Variants in HDAC10 observed in about 807,000 individuals in gnomAD.
HDAC10 encodes the protein histone deacetylase 10, also known as polyamine deacetylase HDAC10.
In HDAC10, 90 loss-of-function variants were observed where a neutral mutation model predicts 82.3. That is an observed-to-expected ratio of 1.09 (90% confidence interval 0.92 to 1.30). The LOEUF (loss-of-function observed/expected upper bound fraction) is 1.30. Among genes scored for constraint, HDAC10 ranks in the 50% most tolerant of loss-of-function variants. The pLI is 0.00. For missense variants in HDAC10, 934 were observed against 876.3 expected, an observed-to-expected ratio of 1.07 and a Z score of -0.83; for synonymous variants, 456 against 391.7, an observed-to-expected ratio of 1.16 and a Z score of -1.94.
At chr22:50,250,605 T>C (rs2068587661) in intron 2 of HDAC10, 82 bp from the exon 3 acceptor site, 15 of 1,347,004 alleles carry the variant, frequency 1.1e-5, no homozygotes, top group Non-Finnish European at 1.5e-5. Context: ...GGATTCATGG[T>C]GGGAGTGGCC....
Position 50,248,784 on chromosome 22 carries a change from G to A in HDAC10, c.817-33C>T, listed in dbSNP as rs1476482596. On this transcript the variant is annotated intron_variant, in intron 9 of 19. Transcript: ENST00000216271. This position sits in a 1 kb window ranked among gnomAD's most constrained non-coding sequence, Gnocchi z 5.4. Reference sequence around the variant, plus strand: ...CAGAGCCATGTGTGATGGGGGACCTGGGCCCCAGGACCCCAGAAGCCCTCC... The same window carrying A: ...CAGAGCCATGTGTGATGGGGGACCTAGGCCCCAGGACCCCAGAAGCCCTCC... 1 of 1,598,740 alleles carries A rather than the reference G, an allele frequency of 6.3e-7. No individual in the cohort carries two copies. The highest frequency in any genetic ancestry group is 2.3e-5 in the East Asian group (1 of 44,380).
Position 50,245,357 on chromosome 22 carries a change from T to C in HDAC10, c.*150A>G. On this transcript the variant is annotated 3_prime_UTR_variant, in exon 20 of 20. Transcript: ENST00000216271. ...AGGGGTGGAGCGGGGGAAGCACGGGTGGGAGAGGGCGGGGCGCGGGGATTG... is the reference window on the plus strand; with the variant it reads ...AGGGGTGGAGCGGGGGAAGCACGGGCGGGAGAGGGCGGGGCGCGGGGATTG... 2 of 499,644 alleles carry C rather than the reference T, an allele frequency of 4.0e-6. No homozygotes were observed. Among genetic ancestry groups the C allele is most frequent in the South Asian group, 3.7e-5 (2 of 53,930 alleles). The allele number at this position is 499,644 out of a possible 1,614,324, so 31.0% of individuals were successfully genotyped here. A position where few individuals can be genotyped will look rare whatever the true frequency, so the allele number is the denominator to read the frequency against.
In HDAC10 at chr22:50,251,250, G is replaced by A; in HGVS notation, c.-218C>T. Reference sequence around the variant, plus strand: ...CGGAGCGAGGCTGCAGTCGAAGGGGGAGGCTCCCCGCGCCTGGCTTCCGGC... The same window carrying A: ...CGGAGCGAGGCTGCAGTCGAAGGGGAAGGCTCCCCGCGCCTGGCTTCCGGC... On this transcript the variant is annotated 5_prime_UTR_variant, in exon 1 of 20. Coordinates refer to ENST00000216271, the MANE Select transcript of HDAC10 (RefSeq NM_032019.6). The A allele has an allele frequency of 8.3e-6, 4 of 479,438 alleles. No individual in the cohort carries two copies. Among genetic ancestry groups the A allele is most frequent in the Non-Finnish European group, 1.1e-5 (3 of 271,932 alleles). 29.7% of individuals were successfully genotyped at this position (479,438 alleles called of 1,614,324 possible).
chr22:50,251,110 G>C lies in HDAC10; in HGVS notation c.-78C>G. ...CCACTGCCTGTCCCCACCTTCGGCCGGGAGCAGCCGGAGGCCTGGGACCTG... is the reference window on the plus strand; with the variant it reads ...CCACTGCCTGTCCCCACCTTCGGCCCGGAGCAGCCGGAGGCCTGGGACCTG... On this transcript the variant is annotated 5_prime_UTR_variant, in exon 1 of 20. Transcript: ENST00000216271. 2 of 1,469,460 alleles carry C rather than the reference G, an allele frequency of 1.4e-6. No individual in the cohort carries two copies. The highest frequency in any genetic ancestry group is 1.4e-5 in the African/African-American group (1 of 71,390). 91.0% of individuals were successfully genotyped at this position (1,469,460 alleles called of 1,614,324 possible). A position where few individuals can be genotyped will look rare whatever the true frequency, so the allele number is the denominator to read the frequency against.
In HDAC10 at chr22:50,248,436, A is replaced by C. The variant is rs757377111; in HGVS notation, c.943T>G (p.Cys315Gly). ...CCCAGCAGCGTCTGTACTGTCATGC[A>C]CACTGACTCCGCCAGTGACTCCAGG... Reference protein sequence around the residue: ...YHLESLAESVCMTVQTLLGDP... With the variant: ...YHLESLAESVGMTVQTLLGDP... Residue 315 changes from cysteine to glycine, a missense_variant, in exon 11 of 20, where the codon TGC becomes GGC. Transcript: ENST00000216271. The surrounding 1 kb of genome is among the most constrained non-coding windows in gnomAD (Gnocchi z 5.4). 6.2e-7 allele frequency: 1 copy of C among 1,608,270 alleles called. No individual in the cohort carries two copies.
At chr22:50,250,546 G>A (rs1601632201) in intron 2 of HDAC10, 23 bp from the exon 3 acceptor site, 2 of 1,578,296 alleles carry the variant, frequency 1.3e-6, no homozygotes, top group Non-Finnish European at 8.7e-7. Flanking sequence ...GGGCAGGCAG[G>A]AGAGGCAGGG....
At chr22:50,247,016 C>A in intron 14 of HDAC10, 50 bp from the exon 15 acceptor site, 1 of 1,217,126 alleles carries the variant, frequency 8.2e-7, no homozygotes, top group South Asian at 1.4e-5. Flanking sequence ...AACTCCCAAG[C>A]CAGGTAAACA....
At position 50,248,394 on chromosome 22, in the gene HDAC10, G is replaced by A. The variant is rs1378852790; in HGVS notation, c.985C>T (p.Leu329=). 3.1e-6 allele frequency: 5 copies of A among 1,607,722 alleles called. No homozygotes were observed. The South Asian group carries it at 4.4e-5, about 14-fold the overall frequency. The part of the protein sequence containing the change: ...QTLLGDPAPP[L]SGPMAPCQSA... ...TGACATGGCGCCATTGGCCCTGACA[G>A]GGGTGGGGCCGGGTCACCCAGCAGC... The change falls in exon 11 of 20, where the codon CTG becomes TTG. Residue 329 remains leucine (L), a synonymous_variant. Transcript: ENST00000216271. This position sits in a 1 kb window ranked among gnomAD's most constrained non-coding sequence, Gnocchi z 5.4.
Sources: gnomAD v4.1 joint callset for allele counts on GRCh38, gnomAD v4.1.1 for gene constraint, Gnocchi (gnomAD v3.1) non-coding constraint, MANE v1.5 for transcripts, NCBI Gene and HGNC (gene_info 2026-07-23, HGNC 2026-07-21) for gene names.